The following RYR2 variants were observed in gnomAD, a reference collection of about 807,000 sequenced individuals.
RYR2 encodes the protein ryanodine receptor 2.
In RYR2, 227 loss-of-function variants were observed where a neutral mutation model predicts 601.1. The observed-to-expected ratio is 0.38, with a 90% confidence interval of 0.34 to 0.42. The LOEUF (loss-of-function observed/expected upper bound fraction) is 0.42, where lower values mean the gene tolerates loss of function less well. Ranked by LOEUF, RYR2 falls within the 10% of genes least tolerant of loss-of-function variation. The pLI, the probability that RYR2 is intolerant of heterozygous loss-of-function variation, is 1.00. For synonymous variants in RYR2, 2,223 were observed against 2,175.1 expected (o/e 1.02, Z -0.61); for missense variants, 4,646 against 6,156.5 (o/e 0.75, Z 8.21).
intron 1 of RYR2, among the ~76,000 whole-genome samples, chr1:237,195,479 C>A (rs904018125): frequency 2.0e-5 from 3 of 152,198 alleles, no homozygotes; most frequent in Non-Finnish European, 4.4e-5. Context: ...TCTCAAACTC[C>A]TGACCTCAGG....
chr1:237,711,350 T>TA (rs1316079202), intron 70 of RYR2, among the ~76,000 whole-genome samples: 1 of 152,128 alleles, frequency 6.6e-6, no homozygotes. Flanking sequence ...TAAAAACAGG[T>TA]AAAAAATCTG....
intron 2 of RYR2, among the ~76,000 whole-genome samples, chr1:237,284,683 T>TCACACACACACACACACAC (rs141656042): frequency 2.1e-5 from 3 of 143,570 alleles, no homozygotes; most frequent in African/African-American, 7.8e-5. Context: ...TATATATATG[T>TCACACACACACACACACAC]ACACACACAC....
intron 63 of RYR2, among the ~76,000 whole-genome samples, chr1:237,697,174 C>T (rs1198772450): frequency 1.6e-5 from 2 of 127,778 alleles, no homozygotes; most frequent in Non-Finnish European, 3.3e-5. Flanking sequence ...AGAGCCTTTG[C>T]ATGGGCTCTT....
chr1:237,291,888 G>T (rs1692237008), intron 2 of RYR2, among the ~76,000 whole-genome samples: 1 of 152,120 alleles, frequency 6.6e-6, no homozygotes, highest in African/African-American at 2.4e-5. Context: ...CAACACAAAG[G>T]GTTAACCCCA....
At chr1:237,496,818 A>G in intron 20 of RYR2, 66 bp downstream of exon 20, 3 of 1,546,160 alleles carry the variant, frequency 1.9e-6, no homozygotes, top group Non-Finnish European at 2.6e-6. Flanking sequence ...TCTGAAAGCT[A>G]TTGGTGCTGC....
intron 10 of RYR2, among the ~76,000 whole-genome samples, chr1:237,406,387 A>G (rs1177549751): frequency 1.3e-5 from 2 of 151,688 alleles, no homozygotes; most frequent in African/African-American, 4.9e-5. Flanking sequence ...TGTGTCTAGA[A>G]TATGAATGGT....
At chr1:237,781,705 G>A in intron 89 of RYR2, 59 bp downstream of exon 89, 3 of 864,744 alleles carry the variant, frequency 3.5e-6, no homozygotes, top group East Asian at 2.7e-5. Flanking sequence ...GATCAGCATG[G>A]GCTTATGGAA....
chr1:237,503,276 G>A lies in RYR2; in HGVS notation c.2397-13G>A. The stretch of plus-strand genomic sequence containing the variant: ...CCAGAGATAAAATTGACTCTAACGT[G>A]CATCCTCTTTAGAGTACGCTTTCTG... On this transcript the variant is annotated splice_polypyrimidine_tract_variant and intron_variant, in intron 21 of 104. Transcript: ENST00000366574. 6.3e-7 allele frequency: 1 copy of A among 1,587,634 alleles called. No homozygotes were observed. The highest frequency in any genetic ancestry group is 8.6e-7 in the Non-Finnish European group (1 of 1,165,808).
At chr1:237,170,455 C>G (rs950716345) in intron 1 of RYR2, among the ~76,000 whole-genome samples, 4 of 152,178 alleles carry the variant, frequency 2.6e-5, no homozygotes, top group African/African-American at 9.7e-5. Flanking sequence ...TGTGACCCTC[C>G]TCCGTCTCTG....
rs1223476500 is a variant in RYR2, at chr1:237,614,108, C to T, written c.4980C>T (p.Leu1660=). The T allele has an allele frequency of 6.2e-7, 1 of 1,614,038 alleles. No individual in the cohort carries two copies. Among genetic ancestry groups the T allele is most frequent in the Admixed American group, 1.7e-5 (1 of 60,024 alleles). Residue 1660 remains leucine (L), a synonymous_variant, in exon 37 of 105, where the codon CTC becomes CTT. Transcript: ENST00000366574. This position sits in a 1 kb window ranked among gnomAD's most constrained non-coding sequence, Gnocchi z 4.3. ...LLKFHYHTLR[L]YSAVCALGNH... ...AATTTCACTATCACACTCTCCGGCTCTACTCAGCCGTCTGTGCTCTTGGGA... is the reference window on the plus strand; with the variant it reads ...AATTTCACTATCACACTCTCCGGCTTTACTCAGCCGTCTGTGCTCTTGGGA...
intron 10 of RYR2, among the ~76,000 whole-genome samples, chr1:237,401,799 A>G (rs993174674): frequency 2.0e-5 from 3 of 152,166 alleles, no homozygotes; most frequent in Non-Finnish European, 4.4e-5. Flanking sequence ...CGTGTGGTTT[A>G]TCTTTCCAGC....
At chr1:237,429,143 T>G (rs1706520702) in intron 12 of RYR2, among the ~76,000 whole-genome samples, 1 of 152,164 alleles carries the variant, frequency 6.6e-6, no homozygotes, top group Non-Finnish European at 1.5e-5. Context: ...CCTCCCACAC[T>G]CCTTGGCTTT....
Position 237,730,354 on chromosome 1 carries a change from G to T in RYR2, c.10933G>T (p.Ala3645Ser). 6.5e-7 allele frequency: 1 copy of T among 1,548,556 alleles called. No individual in the cohort carries two copies. Among genetic ancestry groups the T allele is most frequent in the Non-Finnish European group, 8.9e-7 (1 of 1,120,646 alleles). ...YFEDKLIEDLAKPGAEPPEED... is the reference protein window; with the variant it reads ...YFEDKLIEDLSKPGAEPPEED... The stretch of plus-strand genomic sequence containing the variant: ...TGAAGATAAACTGATAGAAGATTTA[G>T]CAGTATGTTTTTAGTGGGGCTCTAA... Residue 3645 changes from alanine (A) to serine (S), a missense_variant and splice_region_variant, in exon 77 of 105, where the codon GCA becomes TCA. Transcript: ENST00000366574.
chr1:237,279,465 G>A (rs1272112393), intron 2 of RYR2, among the ~76,000 whole-genome samples: 1 of 152,144 alleles, frequency 6.6e-6, no homozygotes, highest in African/African-American at 2.4e-5. Context: ...GCAACAGAGT[G>A]AGACTCTGTC....
chr1:237,790,265 C>A (rs1191303049), intron 92 of RYR2, among the ~76,000 whole-genome samples: 1 of 152,068 alleles, frequency 6.6e-6, no homozygotes, highest in African/African-American at 2.4e-5. Flanking sequence ...CATCTTTGAA[C>A]CCTCTCTTTC....
At chr1:237,109,203 G>C (rs1260066408) in intron 1 of RYR2, among the ~76,000 whole-genome samples, 2 of 151,250 alleles carry the variant, frequency 1.3e-5, no homozygotes, top group East Asian at 3.9e-4. Context: ...ATACATATAT[G>C]TATATATAAA....
chr1:237,074,719 A>G lies in RYR2; in HGVS notation c.48+32150A>G, dbSNP rs187225000. ...CCTTTGGCTTAGTCCTTCTTCGCCC[A>G]GTGTAAGAGTCTGTCTTGTGCCTGG... On this transcript the variant is annotated intron_variant, in intron 1 of 104. Transcript: ENST00000366574. Among the ~76,000 whole-genome samples, 74 of 152,296 alleles carry G rather than the reference A, an allele frequency of 4.9e-4. 1 individual carries two copies. The highest frequency in any genetic ancestry group is 2.9e-3 in the Admixed American group (45 of 15,304).
intron 3 of RYR2, among the ~76,000 whole-genome samples, chr1:237,353,511 G>GAAAA (rs61606386): frequency 7.3e-4 from 37 of 51,028 alleles, no homozygotes; most frequent in African/African-American, 1.0e-3. Context: ...TCCGTCTCAA[G>GAAAA]AAAAAAAAAA....
chr1:237,284,250 G>A lies in RYR2; in HGVS notation c.168+13634G>A, dbSNP rs145351608. 2.1e-3 allele frequency among the ~76,000 whole-genome samples: 315 copies of A among 150,654 alleles called. 7 individuals are homozygous for A. In the East Asian group the frequency reaches 0.054, roughly 26 times the overall value. The stretch of plus-strand genomic sequence containing the variant: ...ATACAAATCAGCCGGGCGTGGTCGC[G>A]GGCACCTGTAATCCCAGCTACTTGG... On this transcript the variant is annotated intron_variant, in intron 2 of 104. Coordinates refer to ENST00000366574, the MANE Select transcript of RYR2 (RefSeq NM_001035.3).
Sources: allele counts gnomAD v4.1 joint callset (sites outside exome capture counted in the v4.1 genomes callset), GRCh38; gene constraint gnomAD v4.1.1; non-coding constraint Gnocchi (gnomAD v3.1); transcripts MANE v1.5; gene names NCBI Gene and HGNC (gene_info 2026-07-23, HGNC 2026-07-21).